TMPRSS9: variants seen among roughly 807,000 people sequenced by gnomAD.
TMPRSS9 encodes the protein transmembrane serine protease 9, also known as transmembrane protease serine 9.
In TMPRSS9, 113 loss-of-function variants were observed where a neutral mutation model predicts 111.4. That is an observed-to-expected ratio of 1.01 (90% CI 0.87 to 1.19). The LOEUF (loss-of-function observed/expected upper bound fraction) is 1.19. Ranked by LOEUF, TMPRSS9 falls within the 50% of genes most tolerant of loss-of-function variation. The pLI is 0.00. For missense variants in TMPRSS9, 1,803 were observed against 1,513.1 expected (o/e 1.19, Z -3.18); for synonymous variants, 805 against 659.1 (o/e 1.22, Z -3.39).
rs1018468085 is a variant in TMPRSS9, at chr19:2,425,997, G to C, written c.3191G>C (p.Trp1064Ser). 1.9e-6 allele frequency: 3 copies of C among 1,607,220 alleles called. No individual in the cohort carries two copies. The highest frequency in any genetic ancestry group is 1.7e-6 in the Non-Finnish European group (2 of 1,177,772). ...TGGGTGCTAACTGGGGTCACTAGCT[G>C]GGGCTATGGCTGTGGCCGGCCCCAC... The change falls in exon 18 of 18, where the codon TGG becomes TCG. Residue 1064 changes from tryptophan (W) to serine (S), a missense_variant. Trp to Ser is a radical substitution (Grantham distance 177). Coordinates refer to ENST00000648592, the Ensembl canonical transcript of TMPRSS9.
chr19:2,388,058 AGTC>A (rs1970512999), upstream of TMPRSS9, among the ~76,000 whole-genome samples: 1 of 152,172 alleles, frequency 6.6e-6, no homozygotes, highest in Admixed American at 6.6e-5. Flanking sequence ...ACAGAAAAAG[AGTC>A]TGTGGTCACA....
At chr19:2,417,860 G>A in intron 12 of TMPRSS9, 142 bp from the exon 14 acceptor site, 1 of 1,204,872 alleles carries the variant, frequency 8.3e-7, no homozygotes, top group South Asian at 1.4e-5. Flanking sequence ...CTGTGGCTTT[G>A]TGAGATTCCT....
upstream of TMPRSS9, among the ~76,000 whole-genome samples, chr19:2,385,809 C>A (rs959756662): frequency 6.6e-6 from 1 of 152,092 alleles, no homozygotes; most frequent in Non-Finnish European, 1.5e-5. Flanking sequence ...TATGATAGCA[C>A]CACTGCATTC....
upstream of TMPRSS9, among the ~76,000 whole-genome samples, chr19:2,389,133 G>A (rs1241149698): frequency 1.3e-5 from 2 of 150,626 alleles, no homozygotes; most frequent in Non-Finnish European, 3.0e-5. Flanking sequence ...GAGTGCAGTG[G>A]CGTGATCTCA....
At chr19:2,425,516 G>A in intron 17 of TMPRSS9, 23 bp downstream of exon 18, 1 of 1,544,978 alleles carries the variant, frequency 6.5e-7, no homozygotes, top group Non-Finnish European at 8.7e-7. Flanking sequence ...CCGGCCCAGG[G>A]GACCAGGTCC....
rs181328187 is a variant in TMPRSS9, at chr19:2,414,112, C to A, written c.1573+94C>A. On this transcript the variant is annotated intron_variant, in intron 10 of 17. Transcript: ENST00000648592. The stretch of plus-strand genomic sequence containing the variant: ...TCATAGTATCTTCATAATTTTGGAT[C>A]TTCCTGTTCAAGGAAAGGTCACATG... 168 of 1,336,358 alleles carry A rather than the reference C, an allele frequency of 1.3e-4. No homozygotes were observed. The Admixed American group carries it at 1.8e-3, about 15-fold the overall frequency. 82.8% of individuals were successfully genotyped at this position (1,336,358 alleles called of 1,614,324 possible).
chr19:2,393,269 T>C (rs1190196255), intron 1 of TMPRSS9, among the ~76,000 whole-genome samples: 1 of 152,132 alleles, frequency 6.6e-6, no homozygotes, highest in Non-Finnish European at 1.5e-5. Flanking sequence ...TAACACTCAC[T>C]GTGAAGGTCT....
intron 14 of TMPRSS9, 62 bp from the exon 16 acceptor site, chr19:2,424,027 G>A: frequency 8.0e-7 from 1 of 1,244,276 alleles, no homozygotes; most frequent in Non-Finnish European, 1.0e-6. Context: ...GCGGCGCCCA[G>A]GGGGGCCTTC....
chr19:2,424,030 G>A (rs920100890), intron 14 of TMPRSS9, 59 bp from the exon 16 acceptor site: 3 of 1,245,466 alleles, frequency 2.4e-6, no homozygotes, highest in Non-Finnish European at 2.0e-6. Flanking sequence ...GCGCCCAGGG[G>A]GGCCTTCGTG....
At chr19:2,396,767 A>T in intron 2 of TMPRSS9, 101 bp downstream of exon 3, 1 of 1,460,150 alleles carries the variant, frequency 6.8e-7, no homozygotes, top group Non-Finnish European at 9.1e-7. Flanking sequence ...GGCCACAGGC[A>T]ACGAAGCTGA....
At chr19:2,425,093 A>C in exon 16 of TMPRSS9, 1 of 1,582,300 alleles carries the variant, frequency 6.3e-7, no homozygotes. Context: ...GCGCATCTAC[A>C]AGCACCCGTT....
intron 1 of TMPRSS9, among the ~76,000 whole-genome samples, chr19:2,375,757 G>T (rs1415307755): frequency 6.6e-6 from 1 of 152,160 alleles, no homozygotes; most frequent in Non-Finnish European, 1.5e-5. Flanking sequence ...GGATGAGGTG[G>T]ACCTTCATTG....
At chr19:2,425,682 A>C in intron 17 of TMPRSS9, 189 bp downstream of exon 18, 1 of 1,255,158 alleles carries the variant, frequency 8.0e-7, no homozygotes, top group South Asian at 1.8e-5. Context: ...AACCCACCGC[A>C]TCCCATCCCC....
Position 2,383,486 on chromosome 19 carries a change from TA to T in TMPRSS9, c.-25-6264del, listed in dbSNP as rs966420020. 9.6e-3 allele frequency among the ~76,000 whole-genome samples: 1,390 copies of T among 145,084 alleles called. 80 individuals are homozygous for T. The highest frequency in any genetic ancestry group is 0.089 in the Admixed American group (1,250 of 14,110). ...GGGCAACATAGCAAGACCCCGTCTCTAAAAAAAAAAATTACGATTTTTAAAA... is the reference window on the plus strand; with the variant it reads ...GGGCAACATAGCAAGACCCCGTCTCTAAAAAAAAAATTACGATTTTTAAAA... On this transcript the variant is annotated intron_variant, in intron 1 of 17. Coordinates refer to the TMPRSS9 transcript ENST00000649857.
At chr19:2,406,319 C>T (rs1169943112) in intron 7 of TMPRSS9, among the ~76,000 whole-genome samples, 1 of 144,804 alleles carries the variant, frequency 6.9e-6, no homozygotes, top group East Asian at 2.1e-4. Context: ...CGCCCGGCCT[C>T]TTTATTTTAT....
At chr19:2,399,671 AGTGTTGTGTT>A (rs748899917) in intron 4 of TMPRSS9, among the ~76,000 whole-genome samples, 3 of 152,030 alleles carry the variant, frequency 2.0e-5, no homozygotes, top group Non-Finnish European at 4.4e-5. Flanking sequence ...AAAGAGCCAG[AGTGTTGTGTT>A]GTGTTGTGTT....
chr19:2,425,077 C>T, exon 16 of TMPRSS9: 4 of 1,575,288 alleles, frequency 2.5e-6, no homozygotes, highest in Non-Finnish European at 3.4e-6. Flanking sequence ...AGCTGGAGCG[C>T]GTGGCGCGCA....
At position 2,415,771 on chromosome 19, in the gene TMPRSS9, T is replaced by TC; in HGVS notation, c.1678dup (p.Arg560ProfsTer134). 1 of 1,609,792 alleles carries TC rather than the reference T, an allele frequency of 6.2e-7. No individual in the cohort carries two copies. Among genetic ancestry groups the TC allele is most frequent in the Non-Finnish European group, 8.5e-7 (1 of 1,178,192 alleles). ...CTGGCAGGTCAGCCTGAAGGAAGGGTCCCGGCACTTCTGCGGAGCAACTGT... is the reference window on the plus strand; with the variant it reads ...CTGGCAGGTCAGCCTGAAGGAAGGGTCCCCGGCACTTCTGCGGAGCAACTGT... On this transcript the variant is annotated frameshift_variant, in exon 11 of 18. Coordinates refer to ENST00000648592, the Ensembl canonical transcript of TMPRSS9. LOFTEE classifies it high-confidence loss of function.
At chr19:2,382,486 C>T (rs917112688) in intron 1 of TMPRSS9, among the ~76,000 whole-genome samples, 1 of 152,176 alleles carries the variant, frequency 6.6e-6, no homozygotes, top group African/African-American at 2.4e-5. Flanking sequence ...ACAAGAGAGA[C>T]ATACTTATAC....
Sources: allele counts gnomAD v4.1 joint callset (sites outside exome capture counted in the v4.1 genomes callset), GRCh38; gene constraint gnomAD v4.1.1; transcripts MANE v1.5; gene names NCBI Gene and HGNC (gene_info 2026-07-23, HGNC 2026-07-21).